Variants in GRM3 observed in about 807,000 individuals in gnomAD.
GRM3 encodes the protein metabotropic glutamate receptor 3.
GRM3 carries 26 observed loss-of-function variants against 70.5 expected under a neutral mutation model. That is an observed-to-expected ratio of 0.37 (90% CI 0.27 to 0.51). The LOEUF (loss-of-function observed/expected upper bound fraction) is 0.51, where lower values mean the gene tolerates loss of function less well. GRM3 is among the 20% of genes least tolerant of loss of function. The probability of loss-of-function intolerance (pLI) is 0.93; values close to 1 mark genes in which losing one functional copy is unlikely to be tolerated. For synonymous variants in GRM3, 443 were observed against 434.9 expected (o/e 1.02, Z -0.23); for missense variants, 859 against 1,123.8 (o/e 0.76, Z 3.37).
chr7:86,775,978 C>T (rs1250018645), intron 2 of GRM3: 1 of 151,882 alleles, frequency 6.6e-6, no homozygotes, highest in East Asian at 1.9e-4. Context: ...GTTTCTTTGT[C>T]TCCCATCAAA....
intron 5 of GRM3, among the ~76,000 whole-genome samples, chr7:86,856,877 C>G (rs1175795878): frequency 6.6e-6 from 1 of 152,124 alleles, no homozygotes; most frequent in Non-Finnish European, 1.5e-5. Flanking sequence ...TCTTTAATAA[C>G]AGTGACCACA....
intron 3 of GRM3, among the ~76,000 whole-genome samples, chr7:86,787,478 C>G (rs941998306): frequency 1.4e-4 from 22 of 152,136 alleles, no homozygotes; most frequent in African/African-American, 5.1e-4. Context: ...ATTGGCACCT[C>G]TCTAGGGAAC....
intron 1 of GRM3, among the ~76,000 whole-genome samples, chr7:86,677,103 C>T (rs1328216582): frequency 6.6e-6 from 1 of 151,850 alleles, no homozygotes; most frequent in Non-Finnish European, 1.5e-5. Flanking sequence ...TGTTTGGAGC[C>T]CTAGGCATCT....
At position 86,839,658 on chromosome 7, in the gene GRM3, G is replaced by T; in HGVS notation, c.2144G>T (p.Arg715Met). ...VWLILEAPGT[R>M]RYTLAEKRET... ...CTCATCCTGGAGGCCCCAGGCACCA[G>T]GAGGTATACCCTTGCAGAGAAGCGG... Residue 715 changes from arginine to methionine, a missense_variant, in exon 4 of 6, where the codon AGG (arginine) becomes ATG (methionine). Arg to Met is a moderately conservative substitution (Grantham distance 91). Transcript: ENST00000361669. This position sits in a 1 kb window ranked among gnomAD's most constrained non-coding sequence, Gnocchi z 4.5. 6.2e-7 allele frequency: 1 copy of T among 1,613,920 alleles called. No homozygotes were observed. Among genetic ancestry groups the T allele is most frequent in the Non-Finnish European group, 8.5e-7 (1 of 1,179,820 alleles).
chr7:86,864,157 C>A (rs1799015769), intron 5 of GRM3, 125 bp from the exon 6 acceptor site: 6 of 677,406 alleles, frequency 8.9e-6, no homozygotes, highest in South Asian at 5.0e-5. Context: ...AATTTGTAGT[C>A]TTTTATCCCT....
intron 1 of GRM3, among the ~76,000 whole-genome samples, chr7:86,686,430 A>T (rs983320157): frequency 3.9e-5 from 6 of 152,222 alleles, no homozygotes; most frequent in Admixed American, 1.3e-4. Context: ...GCAAAACTCC[A>T]AAAAAGGAAA....
At position 86,839,539 on chromosome 7, in the gene GRM3, T is replaced by G; in HGVS notation, c.2025T>G (p.Asn675Lys). The G allele has an allele frequency of 6.2e-7, 1 of 1,608,434 alleles. No individual in the cohort carries two copies. The highest frequency in any genetic ancestry group is 2.2e-5 in the East Asian group (1 of 44,816). The change falls in exon 4 of 6, where the codon AAT becomes AAG. Residue 675 changes from asparagine to lysine, a missense_variant. Physicochemically the swap from Asn to Lys is moderately conservative, Grantham distance 94 (BLOSUM62 0). Transcript: ENST00000361669. This position sits in a 1 kb window ranked among gnomAD's most constrained non-coding sequence, Gnocchi z 4.5. ...CIARIFDGVK[N>K]GAQRPKFISP... ...CCCGCATCTTCGATGGGGTCAAGAA[T>G]GGCGCTCAGAGGCCAAAATTCATCA...
At chr7:86,716,900 G>C (rs1562836381) in intron 1 of GRM3, among the ~76,000 whole-genome samples, 1 of 151,828 alleles carries the variant, frequency 6.6e-6, no homozygotes, top group Non-Finnish European at 1.5e-5. Context: ...ATAGATTAAA[G>C]ATTGATTTTT....
At chr7:86,836,273 C>G (rs903816188) in intron 3 of GRM3, among the ~76,000 whole-genome samples, 2 of 152,096 alleles carry the variant, frequency 1.3e-5, no homozygotes, top group African/African-American at 4.8e-5. Flanking sequence ...TTTGACCCAA[C>G]AGTTTTTCTT....
chr7:86,676,409 A>G (rs1371476630), intron 1 of GRM3, among the ~76,000 whole-genome samples: 1 of 145,330 alleles, frequency 6.9e-6, no homozygotes, highest in East Asian at 2.1e-4. Flanking sequence ...TAAAATACCA[A>G]ATAATTCTCT....
At position 86,832,850 on chromosome 7, in the gene GRM3, C is replaced by T. The variant is rs541363550; in HGVS notation, c.1325-5989C>T. 6.0e-3 allele frequency among the ~76,000 whole-genome samples: 911 copies of T among 152,222 alleles called. 4 individuals are homozygous for T. The highest frequency in any genetic ancestry group is 9.8e-3 in the Non-Finnish European group (669 of 68,018). On this transcript the variant is annotated intron_variant, in intron 3 of 5. Coordinates refer to ENST00000361669, the MANE Select transcript of GRM3 (RefSeq NM_000840.3). The stretch of plus-strand genomic sequence containing the variant: ...GAACTAATTGGATAATAAGCTAACC[C>T]GAGAAATGATTCTCCTGACCCAAAG...
chr7:86,694,911 T>A (rs1288022928), intron 1 of GRM3, among the ~76,000 whole-genome samples: 1 of 152,190 alleles, frequency 6.6e-6, no homozygotes, highest in Non-Finnish European at 1.5e-5. Flanking sequence ...TACTTTCATG[T>A]TAATTCTTTT....
chr7:86,742,865 C>T (rs1218983006), intron 1 of GRM3, among the ~76,000 whole-genome samples: 5 of 152,172 alleles, frequency 3.3e-5, no homozygotes, highest in East Asian at 1.9e-4. Flanking sequence ...AATTTTAGAA[C>T]GAGGATAATG....
intron 1 of GRM3, among the ~76,000 whole-genome samples, chr7:86,762,564 A>T (rs1021464523): frequency 6.6e-6 from 1 of 152,148 alleles, no homozygotes; most frequent in African/African-American, 2.4e-5. Context: ...AAAAATTCTA[A>T]ATGCTGTGCC....
At chr7:86,860,059 T>C (rs745474092) in intron 5 of GRM3, among the ~76,000 whole-genome samples, 2 of 152,178 alleles carry the variant, frequency 1.3e-5, no homozygotes, top group Non-Finnish European at 2.9e-5. Context: ...ATCCAATAGT[T>C]ACTATTTACC....
chr7:86,682,095 CA>C (rs1432179437), intron 1 of GRM3, among the ~76,000 whole-genome samples: 1 of 152,192 alleles, frequency 6.6e-6, no homozygotes, highest in Non-Finnish European at 1.5e-5. Context: ...TATCCTTAAA[CA>C]GTGCATTTGC....
intron 3 of GRM3, among the ~76,000 whole-genome samples, chr7:86,793,479 C>T (rs1249636428): frequency 6.6e-6 from 1 of 152,200 alleles, no homozygotes; most frequent in Non-Finnish European, 1.5e-5. Context: ...GTAGTTCCCA[C>T]AAAAGCACAG....
chr7:86,854,113 T>C (rs983887920), intron 5 of GRM3, among the ~76,000 whole-genome samples: 24 of 152,218 alleles, frequency 1.6e-4, no homozygotes, highest in Admixed American at 1.3e-3. Context: ...ATTATAATTA[T>C]GCCACACTTT....
At chr7:86,848,316 A>G (rs1305596463) in intron 4 of GRM3, among the ~76,000 whole-genome samples, 10 of 152,126 alleles carry the variant, frequency 6.6e-5, no homozygotes. Flanking sequence ...CTTGGTGCTT[A>G]TGTTCCCCAA....
Sources: allele counts gnomAD v4.1 joint callset (sites outside exome capture counted in the v4.1 genomes callset), GRCh38; gene constraint gnomAD v4.1.1; non-coding constraint Gnocchi (gnomAD v3.1); transcripts MANE v1.5; gene names NCBI Gene and HGNC (gene_info 2026-07-23, HGNC 2026-07-21).